GPR39: variants seen among roughly 807,000 people sequenced by gnomAD.
The protein encoded by GPR39 is G protein-coupled receptor 39, also known as zinc sensing receptor.
Under a neutral mutation model 18.4 loss-of-function variants are expected in GPR39, and 23 were observed. That is an observed-to-expected ratio of 1.25 (90% CI 0.90 to 1.77). The LOEUF is 1.77. Ranked by LOEUF, GPR39 falls within the 40% of genes most tolerant of loss-of-function variation. The pLI is 0.00. For synonymous variants in GPR39, 280 were observed against 257.9 expected (o/e 1.09, Z -0.82); for missense variants, 647 against 602.4 (o/e 1.07, Z -0.78).
intron 1 of GPR39, among the ~76,000 whole-genome samples, chr2:132,613,683 G>A (rs1681274130): frequency 6.6e-6 from 1 of 152,160 alleles, no homozygotes; most frequent in South Asian, 2.1e-4. Flanking sequence ...TTAGCTTATA[G>A]TTCTCCTCCT....
chr2:132,609,246 C>A (rs1041787813), intron 1 of GPR39, among the ~76,000 whole-genome samples: 1 of 152,172 alleles, frequency 6.6e-6, no homozygotes, highest in Non-Finnish European at 1.5e-5. Flanking sequence ...TTCCTCATTG[C>A]CAGCTGTGTC....
At chr2:132,538,963 G>A (rs879923626) in intron 1 of GPR39, among the ~76,000 whole-genome samples, 1 of 152,190 alleles carries the variant, frequency 6.6e-6, no homozygotes, top group Non-Finnish European at 1.5e-5. Flanking sequence ...GCTGGCAGCG[G>A]GAATTTCAAG....
chr2:132,527,786 G>T (rs574261882), intron 1 of GPR39, among the ~76,000 whole-genome samples: 1 of 151,930 alleles, frequency 6.6e-6, no homozygotes, highest in South Asian at 2.1e-4. Context: ...TTATGGGGTT[G>T]TTTTTTTTCT....
chr2:132,535,957 A>G (rs1249542658), intron 1 of GPR39, among the ~76,000 whole-genome samples: 1 of 106,422 alleles, frequency 9.4e-6, no homozygotes, highest in Non-Finnish European at 2.0e-5. Context: ...ATTCTTCTTT[A>G]TTTTCTTTTT....
chr2:132,567,362 G>A (rs1299485417), intron 1 of GPR39, among the ~76,000 whole-genome samples: 1 of 152,116 alleles, frequency 6.6e-6, no homozygotes, highest in African/African-American at 2.4e-5. Flanking sequence ...AGTCATGAAG[G>A]CTCTGTCCCC....
At chr2:132,567,655 A>G (rs374062308) in intron 1 of GPR39, among the ~76,000 whole-genome samples, 1 of 152,204 alleles carries the variant, frequency 6.6e-6, no homozygotes, top group Non-Finnish European at 1.5e-5. Flanking sequence ...ACAGGCTAAG[A>G]TACCAGCAGA....
At chr2:132,429,301 C>G (rs1013451629) in intron 1 of GPR39, among the ~76,000 whole-genome samples, 2 of 152,224 alleles carry the variant, frequency 1.3e-5, no homozygotes, top group Non-Finnish European at 2.9e-5. Flanking sequence ...AAAGAGAATA[C>G]TCTTCAGTGG....
intron 1 of GPR39, among the ~76,000 whole-genome samples, chr2:132,593,795 A>G (rs1188929802): frequency 6.6e-6 from 1 of 152,070 alleles, no homozygotes; most frequent in African/African-American, 2.4e-5. Context: ...AAGAGATGGG[A>G]TTCACATTAG....
chr2:132,617,807 A>G (rs78689976), intron 1 of GPR39, among the ~76,000 whole-genome samples: 1,896 of 152,338 alleles, frequency 0.012, 46 homozygotes, highest in African/African-American at 0.043. Context: ...CAGGCCACAC[A>G]GCTTAGTTTG....
intron 1 of GPR39, among the ~76,000 whole-genome samples, chr2:132,546,920 T>G (rs1415607957): frequency 6.7e-6 from 1 of 148,778 alleles, no homozygotes; most frequent in Admixed American, 6.7e-5. Flanking sequence ...AAGGGCTGGC[T>G]GACATTTTGG....
chr2:132,500,276 C>T (rs1287537751), intron 1 of GPR39, among the ~76,000 whole-genome samples: 1 of 152,040 alleles, frequency 6.6e-6, no homozygotes, highest in East Asian at 1.9e-4. Context: ...GATTTTGCTG[C>T]AGGTTTTAAT....
chr2:132,441,367 C>G lies in GPR39; in HGVS notation c.856+23469C>G, dbSNP rs547472812. On this transcript the variant is annotated intron_variant, in intron 1 of 1. Transcript: ENST00000329321. ...GGATTCATTTTCCAGTACAGACTTT[C>G]TTTTCATGCATATATGCTTTTTTTT... 2.4e-4 allele frequency among the ~76,000 whole-genome samples: 34 copies of G among 143,976 alleles called. No individual in the cohort carries two copies. In the South Asian group the frequency reaches 7.4e-3, roughly 31 times the overall value. The allele number at this position is 143,976 out of a possible 152,430, so 94.5% of individuals were successfully genotyped here. A position where few individuals can be genotyped will look rare whatever the true frequency, so the allele number is the denominator to read the frequency against.
At position 132,499,844 on chromosome 2, in the gene GPR39, A is replaced by C. The variant is rs1678979694; in HGVS notation, c.856+81946A>C. 2.0e-5 allele frequency among the ~76,000 whole-genome samples: 3 copies of C among 152,080 alleles called. No individual in the cohort carries two copies. The South Asian group carries it at 6.2e-4, about 31-fold the overall frequency. On this transcript the variant is annotated intron_variant, in intron 1 of 1. Coordinates refer to ENST00000329321, the MANE Select transcript of GPR39 (RefSeq NM_001508.3). ...TTTATTTATTTATTTATTTGCAGCT[A>C]CTGTGAAAGGAGTTGAGTTCTTGAT...
chr2:132,519,433 C>G (rs761229521), intron 1 of GPR39, among the ~76,000 whole-genome samples: 1 of 152,148 alleles, frequency 6.6e-6, no homozygotes, highest in Non-Finnish European at 1.5e-5. Flanking sequence ...AGTGTTTCAT[C>G]TCTTTGGCAA....
At chr2:132,426,723 TG>T (rs1680124613) in intron 1 of GPR39, among the ~76,000 whole-genome samples, 1 of 152,238 alleles carries the variant, frequency 6.6e-6, no homozygotes, top group African/African-American at 2.4e-5. Context: ...AGAGCCATTC[TG>T]GCAAGCAGAG....
At chr2:132,609,803 A>G (rs555618747) in intron 1 of GPR39, among the ~76,000 whole-genome samples, 3 of 152,262 alleles carry the variant, frequency 2.0e-5, no homozygotes, top group African/African-American at 7.2e-5. Context: ...ACCTCAAGAC[A>G]AGAGGAGCAA....
intron 1 of GPR39, among the ~76,000 whole-genome samples, chr2:132,629,222 T>A (rs1041079462): frequency 6.6e-6 from 1 of 152,184 alleles, no homozygotes; most frequent in Non-Finnish European, 1.5e-5. Context: ...GATGTGATGC[T>A]ATGATGCTAG....
At chr2:132,493,700 A>G (rs1415788533) in intron 1 of GPR39, among the ~76,000 whole-genome samples, 1 of 151,702 alleles carries the variant, frequency 6.6e-6, no homozygotes, top group Non-Finnish European at 1.5e-5. Flanking sequence ...GGAAAATTTT[A>G]AACATGTTGA....
intron 1 of GPR39, among the ~76,000 whole-genome samples, chr2:132,550,966 G>C (rs1179131490): frequency 6.6e-6 from 1 of 152,190 alleles, no homozygotes; most frequent in African/African-American, 2.4e-5. Context: ...TTGTGGTTTA[G>C]GTGGAGGAAG....
Sources: gnomAD v4.1 joint callset for allele counts (sites outside exome capture counted in the v4.1 genomes callset) on GRCh38, gnomAD v4.1.1 for gene constraint, MANE v1.5 for transcripts, NCBI Gene and HGNC (gene_info 2026-07-23, HGNC 2026-07-21) for gene names.